NRG3: variants seen among roughly 807,000 people sequenced by gnomAD.
The protein encoded by NRG3 is neuregulin 3.
Under a neutral mutation model 66.9 loss-of-function variants are expected in NRG3, and 31 were observed. That is an observed-to-expected ratio of 0.46 (90% CI 0.35 to 0.63). The LOEUF (loss-of-function observed/expected upper bound fraction) is 0.63. Ranked by LOEUF, NRG3 falls within the 20% of genes least tolerant of loss-of-function variation. The probability of loss-of-function intolerance (pLI) is 0.00; values close to 1 mark genes in which losing one functional copy is unlikely to be tolerated. For synonymous variants in NRG3, 393 were observed against 359.4 expected (o/e 1.09, Z -1.06); for missense variants, 910 against 878.9 (o/e 1.04, Z -0.45).
intron 2 of NRG3, among the ~76,000 whole-genome samples, chr10:82,560,095 G>C (rs2044935067): frequency 6.6e-6 from 1 of 151,406 alleles, no homozygotes; most frequent in Admixed American, 6.6e-5. Flanking sequence ...TGTTTTTAAA[G>C]ATATATATAC....
chr10:82,361,808 A>G (rs2084156884), intron 2 of NRG3, among the ~76,000 whole-genome samples: 1 of 152,210 alleles, frequency 6.6e-6, no homozygotes, highest in Admixed American at 6.5e-5. Context: ...CATTTAATAG[A>G]TCTGAGCAGC....
intron 2 of NRG3, among the ~76,000 whole-genome samples, chr10:82,691,064 T>C (rs976460731): frequency 4.6e-5 from 7 of 152,112 alleles, no homozygotes; most frequent in African/African-American, 1.4e-4. Flanking sequence ...TTCCCTCATC[T>C]GGAAGTGGCT....
intron 2 of NRG3, among the ~76,000 whole-genome samples, chr10:82,700,008 A>ATCC (rs2055736376): frequency 1.3e-5 from 2 of 152,164 alleles, no homozygotes; most frequent in Non-Finnish European, 2.9e-5. Flanking sequence ...AAGATAAGCC[A>ATCC]TCACACTTTG....
chr10:82,637,586 A>G (rs76145635), intron 2 of NRG3, among the ~76,000 whole-genome samples: 1,882 of 152,298 alleles, frequency 0.012, 24 homozygotes, highest in Non-Finnish European at 0.017. Context: ...GTATCTAATT[A>G]TGAGGGAACA....
intron 2 of NRG3, among the ~76,000 whole-genome samples, chr10:82,536,226 T>G (rs1053117695): frequency 1.3e-5 from 2 of 152,178 alleles, no homozygotes; most frequent in African/African-American, 2.4e-5. Flanking sequence ...CTGGATCTAC[T>G]GAGGATTTGA....
chr10:82,419,829 CATATTT>C (rs1196617140), intron 2 of NRG3, among the ~76,000 whole-genome samples: 1 of 152,002 alleles, frequency 6.6e-6, no homozygotes, highest in African/African-American at 2.4e-5. Context: ...GTTTTTCCTC[CATATTT>C]GTATTCTTTT....
intron 1 of NRG3, among the ~76,000 whole-genome samples, chr10:82,066,290 C>G (rs11192374): frequency 0.037 from 5,567 of 152,160 alleles, 351 homozygotes; most frequent in African/African-American, 0.13. Context: ...TACATCTACA[C>G]ATATTCATAT....
intron 1 of NRG3, among the ~76,000 whole-genome samples, chr10:81,939,253 TG>T (rs1445025932): frequency 2.0e-5 from 3 of 152,016 alleles, no homozygotes; most frequent in Admixed American, 6.6e-5. Context: ...TTCTTTGTCT[TG>T]TTTTGGTATT....
intron 3 of NRG3, among the ~76,000 whole-genome samples, chr10:82,774,821 CT>C (rs992021420): frequency 3.7e-3 from 286 of 77,992 alleles, no homozygotes; most frequent in Middle Eastern, 0.012. Context: ...TTTCTTTTTT[CT>C]TTTTTTTTTT....
At chr10:82,481,281 G>A (rs1384522407) in intron 2 of NRG3, among the ~76,000 whole-genome samples, 1 of 152,128 alleles carries the variant, frequency 6.6e-6, no homozygotes, top group African/African-American at 2.4e-5. Flanking sequence ...GGCCTTAGTT[G>A]CCAAATCCAT....
At chr10:82,759,146 T>C (rs2059200255) in intron 3 of NRG3, among the ~76,000 whole-genome samples, 2 of 150,662 alleles carry the variant, frequency 1.3e-5, no homozygotes, top group Admixed American at 1.3e-4. Flanking sequence ...AATGGGTTAG[T>C]CTGGTGTTAA....
At chr10:82,190,895 C>T (rs2074102988) in intron 1 of NRG3, among the ~76,000 whole-genome samples, 1 of 152,136 alleles carries the variant, frequency 6.6e-6, no homozygotes, top group African/African-American at 2.4e-5. Flanking sequence ...TTGGCCCAGG[C>T]ATTACCCACA....
intron 2 of NRG3, among the ~76,000 whole-genome samples, chr10:82,565,678 A>G (rs2045356125): frequency 6.6e-6 from 1 of 152,054 alleles, no homozygotes; most frequent in Admixed American, 6.6e-5. Context: ...ACCTGTCCTC[A>G]ATTCCAGAAT....
intron 1 of NRG3, among the ~76,000 whole-genome samples, chr10:82,205,917 A>G (rs780360205): frequency 6.6e-5 from 10 of 152,214 alleles, no homozygotes; most frequent in East Asian, 3.9e-4. Flanking sequence ...TCAGTTCCCA[A>G]TCATTGCTTA....
At chr10:82,369,434 GACTACAAGTGC>G (rs1294854345) in intron 2 of NRG3, among the ~76,000 whole-genome samples, 1 of 137,798 alleles carries the variant, frequency 7.3e-6, no homozygotes, top group Non-Finnish European at 1.5e-5. Context: ...AAGTCACTGG[GACTACAAGTGC>G]ACACCATCAT....
intron 2 of NRG3, among the ~76,000 whole-genome samples, chr10:82,472,446 T>C (rs772410836): frequency 9.9e-5 from 15 of 152,214 alleles, no homozygotes; most frequent in Non-Finnish European, 1.3e-4. Flanking sequence ...TTAAGAGAAT[T>C]TGTGCTGATT....
At chr10:82,852,346 G>A (rs1371676490) in intron 3 of NRG3, among the ~76,000 whole-genome samples, 5 of 152,068 alleles carry the variant, frequency 3.3e-5, no homozygotes, top group Admixed American at 1.3e-4. Flanking sequence ...TAATGCACAC[G>A]GGGCTTAAAA....
chr10:82,751,100 A>G (rs1809381150), intron 3 of NRG3, among the ~76,000 whole-genome samples: 1 of 152,166 alleles, frequency 6.6e-6, no homozygotes, highest in African/African-American at 2.4e-5. Context: ...TAAATTTTTT[A>G]GAACCAGCAC....
At chr10:82,849,345 C>T (rs1044497130) in intron 3 of NRG3, among the ~76,000 whole-genome samples, 7 of 152,158 alleles carry the variant, frequency 4.6e-5, no homozygotes, top group Non-Finnish European at 8.8e-5. Flanking sequence ...TTTCAGACTT[C>T]CACCTTCCAG....
Sources: allele counts gnomAD v4.1 joint callset (sites outside exome capture counted in the v4.1 genomes callset), GRCh38; gene constraint gnomAD v4.1.1; transcripts MANE v1.5; gene names NCBI Gene and HGNC (gene_info 2026-07-23, HGNC 2026-07-21).